The following SENP5 variants were observed in gnomAD, a reference collection of about 807,000 sequenced individuals.
SENP5 encodes sentrin-specific protease 5.
In SENP5, 21 loss-of-function variants were observed where a neutral mutation model predicts 74.2. That is an observed-to-expected ratio of 0.28 (90% confidence interval 0.20 to 0.41). The LOEUF (loss-of-function observed/expected upper bound fraction) is 0.41, where lower values mean the gene tolerates loss of function less well. SENP5 is among the 10% of genes least tolerant of loss of function. SENP5 has a pLI of 1.00. For synonymous variants in SENP5, 311 were observed against 312.7 expected, an observed-to-expected ratio of 0.99 and a Z score of 0.06; for missense variants, 717 against 889.1, an observed-to-expected ratio of 0.81 and a Z score of 2.46.
In SENP5 at chr3:196,886,406, G is replaced by A. The variant is rs762382749; in HGVS notation, c.1225G>A (p.Asp409Asn). 8.7e-6 allele frequency: 14 copies of A among 1,612,194 alleles called. No homozygotes were observed. Among genetic ancestry groups the A allele is most frequent in the Non-Finnish European group, 1.2e-5 (14 of 1,178,910 alleles). Residue 409 changes from aspartate to asparagine, a missense_variant, in exon 2 of 10, where the codon GAC becomes AAC. Asp to Asn is a conservative substitution (Grantham distance 23, BLOSUM62 1). Transcript: ENST00000323460. ...AAATCAGACAAGTTCTGTCAGTGAT[G>A]ACAGAGTAAAACTGTCAGTGTCTGG... ...QENQTSSVSD[D>N]RVKLSVSGAD... is the part of the protein sequence containing the mutation.
chr3:196,933,012 G>GTTTTTTTTTTTTTTTTTTTTTTTTTT lies in SENP5; in HGVS notation c.*2089_*2090insTTTTTTTTTTTTTTTTTTTTTTTTTT. 1 of 71,614 alleles carries GTTTTTTTTTTTTTTTTTTTTTTTTTT rather than the reference G, an allele frequency of 1.4e-5. No homozygotes were observed. 4.4% of individuals were successfully genotyped at this position (71,614 alleles called of 1,614,324 possible). Reference sequence around the variant, plus strand: ...TGGCTTAGACTAAATGTTGAGTTTGGGTTTTTTGTTTTTTTTTTTTTTTGA... The same window carrying GTTTTTTTTTTTTTTTTTTTTTTTTTT: ...TGGCTTAGACTAAATGTTGAGTTTGGTTTTTTTTTTTTTTTTTTTTTTTTTTGTTTTTTGTTTTTTTTTTTTTTTGA... On this transcript the variant is annotated 3_prime_UTR_variant, in exon 10 of 10. Coordinates refer to ENST00000323460, the MANE Select transcript of SENP5 (RefSeq NM_152699.5).
intron 1 of SENP5, among the ~76,000 whole-genome samples, chr3:196,879,121 A>G (rs1165505921): frequency 1.3e-5 from 2 of 152,156 alleles, no homozygotes; most frequent in African/African-American, 4.8e-5. Flanking sequence ...ATTGCATGAT[A>G]CTTAGTATCC....
intron 2 of SENP5, among the ~76,000 whole-genome samples, chr3:196,892,085 C>T (rs768390946): frequency 6.7e-5 from 10 of 148,630 alleles, no homozygotes; most frequent in South Asian, 2.1e-4. Context: ...TCACCGCGCC[C>T]GGCCGACCTT....
At chr3:196,921,039 T>C (rs907634034) in intron 6 of SENP5, among the ~76,000 whole-genome samples, 1 of 152,250 alleles carries the variant, frequency 6.6e-6, no homozygotes, top group African/African-American at 2.4e-5. Flanking sequence ...ACATTGTTCT[T>C]AATTATGTGT....
chr3:196,892,856 C>A (rs1031034382), intron 2 of SENP5, among the ~76,000 whole-genome samples: 3 of 152,148 alleles, frequency 2.0e-5, no homozygotes, highest in African/African-American at 7.2e-5. Flanking sequence ...CCAGATTCAT[C>A]CATGTTGCAG....
intron 9 of SENP5, 34 bp from the exon 10 acceptor site, chr3:196,930,779 C>A: frequency 7.9e-7 from 1 of 1,266,078 alleles, no homozygotes; most frequent in Non-Finnish European, 1.1e-6. Flanking sequence ...CTCCAAGTGC[C>A]ACTGAAGTGT....
In SENP5 at chr3:196,885,464, A is replaced by G; in HGVS notation, c.283A>G (p.Lys95Glu). 1 of 1,614,148 alleles carries G rather than the reference A, an allele frequency of 6.2e-7. No individual in the cohort carries two copies. Among genetic ancestry groups the G allele is most frequent in the Non-Finnish European group, 8.5e-7 (1 of 1,180,026 alleles). ...ATQNVSTLSS[K>E]VKRKDAKHFI... ...TCAAAATGTTAGTACTTTGTCCTCTAAAGTGAAAAGAAAGGACGCTAAACA... is the reference window on the plus strand; with the variant it reads ...TCAAAATGTTAGTACTTTGTCCTCTGAAGTGAAAAGAAAGGACGCTAAACA... The change falls in exon 2 of 10, where the codon AAA becomes GAA. Residue 95 changes from lysine (K) to glutamate (E), a missense_variant. Physicochemically the swap from Lys to Glu is moderately conservative, Grantham distance 56 (BLOSUM62 1). Around this residue, in one of 4 missense-constraint regions of SENP5, gnomAD observed 567 missense variants for 577.4 expected, o/e 0.98. Coordinates refer to ENST00000323460, the MANE Select transcript of SENP5 (RefSeq NM_152699.5).
intron 6 of SENP5, among the ~76,000 whole-genome samples, chr3:196,909,314 G>A (rs1041517009): frequency 2.6e-5 from 4 of 152,150 alleles, no homozygotes; most frequent in African/African-American, 7.2e-5. Context: ...TGGATTCACA[G>A]CCAAATTCTA....
chr3:196,907,956 A>G (rs935907897), intron 6 of SENP5, among the ~76,000 whole-genome samples: 2 of 152,094 alleles, frequency 1.3e-5, no homozygotes, highest in African/African-American at 4.8e-5. Flanking sequence ...AATATGAAAA[A>G]GAAAGGTTGA....
rs1292968325 is a variant in SENP5 at position 196,933,346 on chromosome 3, A to G, written c.*2423A>G. 1 of 152,024 alleles carries G rather than the reference A, an allele frequency of 6.6e-6. No individual in the cohort carries two copies. The highest frequency in any genetic ancestry group is 1.5e-5 in the Non-Finnish European group (1 of 68,006). The allele number at this position is 152,024 out of a possible 1,614,324, so 9.4% of individuals were successfully genotyped here. ...TAAGTATTTTAAAAGTCATTTTAAA[A>G]TATTTGTCATTGATGAAACTTGGTT... On this transcript the variant is annotated 3_prime_UTR_variant, in exon 10 of 10. Coordinates refer to ENST00000323460, the MANE Select transcript of SENP5 (RefSeq NM_152699.5).
chr3:196,886,841 A>G (rs1713997948), intron 2 of SENP5, 147 bp downstream of exon 2: 1 of 564,638 alleles, frequency 1.8e-6, no homozygotes, highest in African/African-American at 1.9e-5. Flanking sequence ...ATATTGCTGC[A>G]TTATGTAGAT....
intron 2 of SENP5, among the ~76,000 whole-genome samples, chr3:196,897,252 T>C (rs1404358173): frequency 1.3e-5 from 2 of 152,220 alleles, no homozygotes. Context: ...ATTCCTTATC[T>C]TCCACTGGGC....
In SENP5 at chr3:196,903,626, C is replaced by T. The variant is rs770568519; in HGVS notation, c.1884+16C>T. On this transcript the variant is annotated intron_variant, in intron 6 of 9. Coordinates refer to ENST00000323460, the MANE Select transcript of SENP5 (RefSeq NM_152699.5). ...GACTAAAAAGGTATTCTCTTTATTTCTTTTTTATTCCAAATTTGAAACGCA... is the reference window on the plus strand; with the variant it reads ...GACTAAAAAGGTATTCTCTTTATTTTTTTTTTATTCCAAATTTGAAACGCA... The T allele has an allele frequency of 6.6e-7, 1 of 1,508,800 alleles. No individual in the cohort carries two copies. The highest frequency in any genetic ancestry group is 9.1e-7 in the Non-Finnish European group (1 of 1,102,030). The allele number at this position is 1,508,800 out of a possible 1,614,324, so 93.5% of individuals were successfully genotyped here. A position where few individuals can be genotyped will look rare whatever the true frequency, so the allele number is the denominator to read the frequency against.
chr3:196,914,271 A>C (rs865910282), intron 6 of SENP5: 3 of 152,088 alleles, frequency 2.0e-5, no homozygotes, highest in Non-Finnish European at 2.9e-5. Flanking sequence ...GCTGTGTTTC[A>C]ATTAAACTTA....
chr3:196,891,598 A>G (rs907686276), intron 2 of SENP5, among the ~76,000 whole-genome samples: 1 of 152,248 alleles, frequency 6.6e-6, no homozygotes, highest in East Asian at 1.9e-4. Context: ...ATATAAATAC[A>G]TAGAGGGATG....
intron 7 of SENP5, 139 bp from the exon 8 acceptor site, chr3:196,927,655 AAT>A: frequency 5.7e-6 from 3 of 524,992 alleles, no homozygotes; most frequent in African/African-American, 3.9e-5. Context: ...AAAAAAAAAA[AAT>A]TGTTCCAGCT....
At chr3:196,918,872 A>G (rs995526237) in intron 6 of SENP5, among the ~76,000 whole-genome samples, 1 of 152,164 alleles carries the variant, frequency 6.6e-6, no homozygotes, top group Non-Finnish European at 1.5e-5. Context: ...GAGTAGCTAT[A>G]CTTAATGTCA....
chr3:196,918,048 A>G lies in SENP5; in HGVS notation c.1885-5366A>G, dbSNP rs541427111. 8.4e-4 allele frequency among the ~76,000 whole-genome samples: 125 copies of G among 149,308 alleles called. 1 individual carries two copies. Among genetic ancestry groups the G allele is most frequent in the African/African-American group, 2.2e-3 (86 of 39,190 alleles). On this transcript the variant is annotated intron_variant, in intron 6 of 9. Coordinates refer to ENST00000323460, the MANE Select transcript of SENP5 (RefSeq NM_152699.5). ...ACAATGGCCGGGCACGGTGGCTCACACCTGTAATCCCAGCACTTTGGGAGG... is the reference window on the plus strand; with the variant it reads ...ACAATGGCCGGGCACGGTGGCTCACGCCTGTAATCCCAGCACTTTGGGAGG...
At chr3:196,916,810 A>G (rs116212672) in intron 6 of SENP5, among the ~76,000 whole-genome samples, 2,375 of 151,650 alleles carry the variant, frequency 0.016, 56 homozygotes, top group African/African-American at 0.052. Context: ...GAGTGACCAC[A>G]CCCAGCTGAG....
Sources: allele counts gnomAD v4.1 joint callset (sites outside exome capture counted in the v4.1 genomes callset), GRCh38; gene constraint gnomAD v4.1.1; regional missense constraint gnomAD v4.1.1; transcripts MANE v1.5; gene names NCBI Gene and HGNC (gene_info 2026-07-23, HGNC 2026-07-21).